Variants in RBBP4 observed in about 807,000 individuals in gnomAD.
RBBP4 encodes the protein histone-binding protein RBBP4.
RBBP4 carries 3 observed loss-of-function variants against 57.2 expected under a neutral mutation model. The observed-to-expected ratio is 0.05, with a 90% CI of 0.02 to 0.14. The LOEUF (loss-of-function observed/expected upper bound fraction) is 0.14. Among genes scored for constraint, RBBP4 ranks in the 10% least tolerant of loss-of-function variants. RBBP4 has a pLI of 1.00. For missense variants in RBBP4, 107 were observed against 520.6 expected, an observed-to-expected ratio of 0.21 and a Z score of 7.73; for synonymous variants, 151 against 171.5, an observed-to-expected ratio of 0.88 and a Z score of 0.93.
rs1649326888 is a variant in RBBP4 at position 32,680,066 on chromosome 1, G to GTA, written c.*362_*363dup. The GTA allele has an allele frequency of 9.3e-7, 1 of 1,073,944 alleles. No individual in the cohort carries two copies. Among genetic ancestry groups the GTA allele is most frequent in the Non-Finnish European group, 1.1e-6 (1 of 888,586 alleles). The allele number at this position is 1,073,944 out of a possible 1,614,324, so 66.5% of individuals were successfully genotyped here. ...TGAGTAAGGAATAGAGCCAAATGAG[G>GTA]TAGGTGTCTGAGCCATGAAGTATAA... On this transcript the variant is annotated 3_prime_UTR_variant, in exon 12 of 12. Transcript: ENST00000373493.
intron 11 of RBBP4, among the ~76,000 whole-genome samples, chr1:32,673,976 C>T (rs1457462354): frequency 6.6e-6 from 1 of 152,026 alleles, no homozygotes; most frequent in Non-Finnish European, 1.5e-5. Context: ...TGGCGGGCGC[C>T]TGTAGTCCCA....
intron 2 of RBBP4, among the ~76,000 whole-genome samples, chr1:32,654,512 A>T (rs535852785): frequency 5.8e-4 from 89 of 152,362 alleles, no homozygotes; most frequent in Non-Finnish European, 1.1e-3. Context: ...CATACCTACT[A>T]AACATTCTAG....
chr1:32,656,918 A>G (rs563546325), intron 2 of RBBP4, among the ~76,000 whole-genome samples: 5 of 152,252 alleles, frequency 3.3e-5, no homozygotes, highest in African/African-American at 1.2e-4. Context: ...GTAGTGAGTG[A>G]GTAGTTAATT....
intron 11 of RBBP4, among the ~76,000 whole-genome samples, chr1:32,679,213 C>T (rs961255827): frequency 1.3e-5 from 2 of 152,108 alleles, no homozygotes; most frequent in African/African-American, 4.8e-5. Flanking sequence ...AGGAGAATTG[C>T]TTGAACCTGG....
rs1648766537 is a variant in RBBP4, at chr1:32,669,129, T to C, written c.758T>C (p.Met253Thr). The C allele has an allele frequency of 1.2e-6, 2 of 1,614,138 alleles. No individual in the cohort carries two copies. ...TCAGTTGCTGATGATCAGAAACTTA[T>C]GATGTGAGTAGAATCCATTCAGAGT... Reference protein sequence around the residue: ...FGSVADDQKLMIWDTRSNNTS... With the variant: ...FGSVADDQKLTIWDTRSNNTS... The change falls in exon 6 of 12, where the codon ATG becomes ACG. Residue 253 changes from methionine to threonine, a missense_variant. Transcript: ENST00000373493. This position sits in a 1 kb window ranked among gnomAD's most constrained non-coding sequence, Gnocchi z 4.9.
intron 2 of RBBP4, among the ~76,000 whole-genome samples, chr1:32,653,494 C>T (rs978908382): frequency 6.6e-6 from 1 of 151,932 alleles, no homozygotes; most frequent in East Asian, 1.9e-4. Context: ...AGAAATTATA[C>T]TAGTAACTTA....
At position 32,651,930 on chromosome 1, in the gene RBBP4, A is replaced by G; in HGVS notation, c.33A>G (p.Ala11=). 2 of 1,613,888 alleles carry G rather than the reference A, an allele frequency of 1.2e-6. No individual in the cohort carries two copies. Among genetic ancestry groups the G allele is most frequent in the Non-Finnish European group, 1.7e-6 (2 of 1,179,828 alleles). Residue 11 remains alanine, a synonymous_variant, in exon 2 of 12, where the codon GCA becomes GCG. Coordinates refer to ENST00000373493, the MANE Select transcript of RBBP4 (RefSeq NM_005610.3). ...AAATTTTAGCAGCCTTCGACGACGCAGTGGAAGAACGAGTGATCAACGAGG... is the reference window on the plus strand; with the variant it reads ...AAATTTTAGCAGCCTTCGACGACGCGGTGGAAGAACGAGTGATCAACGAGG... MADKEAAFDD[A]VEERVINEEY...
rs113016835 is a variant in RBBP4, at chr1:32,681,557, T to G, written c.*1852T>G. On this transcript the variant is annotated 3_prime_UTR_variant, in exon 12 of 12. Coordinates refer to ENST00000373493, the MANE Select transcript of RBBP4 (RefSeq NM_005610.3). ...ATTCATCCTTCACTCAGTGCATATGTGAGGGTTGTTGCTGGAAGACAGGAG... is the reference window on the plus strand; with the variant it reads ...ATTCATCCTTCACTCAGTGCATATGGGAGGGTTGTTGCTGGAAGACAGGAG... 7.4e-6 allele frequency: 4 copies of G among 540,678 alleles called. No individual in the cohort carries two copies. Among genetic ancestry groups the G allele is most frequent in the African/African-American group, 5.7e-5 (3 of 52,476 alleles). The allele number at this position is 540,678 out of a possible 1,614,324, so 33.5% of individuals were successfully genotyped here. A position where few individuals can be genotyped will look rare whatever the true frequency, so the allele number is the denominator to read the frequency against.
Position 32,680,445 on chromosome 1 carries a change from A to G in RBBP4, c.*740A>G, listed in dbSNP as rs1264947076. The G allele has an allele frequency of 2.3e-5, 34 of 1,505,424 alleles. No individual in the cohort carries two copies. The highest frequency in any genetic ancestry group is 2.8e-5 in the Non-Finnish European group (31 of 1,126,212). The allele number at this position is 1,505,424 out of a possible 1,614,324, so 93.3% of individuals were successfully genotyped here. On this transcript the variant is annotated 3_prime_UTR_variant, in exon 12 of 12. Coordinates refer to ENST00000373493, the MANE Select transcript of RBBP4 (RefSeq NM_005610.3). ...CAGTTATACCACAGGTAGACTGTCA[A>G]GTTGAGAAGAGTGAATCAATAACTT...
intron 3 of RBBP4, among the ~76,000 whole-genome samples, chr1:32,659,247 C>T (rs1179563337): frequency 6.6e-6 from 1 of 151,236 alleles, no homozygotes; most frequent in Non-Finnish European, 1.5e-5. Context: ...GTAAAAAACG[C>T]ACCCCTTCTC....
intron 3 of RBBP4, among the ~76,000 whole-genome samples, chr1:32,658,649 C>T (rs907175380): frequency 1.3e-5 from 2 of 150,998 alleles, no homozygotes; most frequent in Non-Finnish European, 2.9e-5. Context: ...CAGGTTCAAG[C>T]GATTCTCCTG....
chr1:32,667,093 A>G (rs1424710282), intron 3 of RBBP4, among the ~76,000 whole-genome samples: 1 of 152,016 alleles, frequency 6.6e-6, no homozygotes, highest in Non-Finnish European at 1.5e-5. Flanking sequence ...GTCAGGGAAC[A>G]CTCTGCTCCA....
In RBBP4 at chr1:32,680,166, G is replaced by C. The variant is rs1557863239; in HGVS notation, c.*461G>C. 9.5e-7 allele frequency: 1 copy of C among 1,057,462 alleles called. No individual in the cohort carries two copies. Among genetic ancestry groups the C allele is most frequent in the Non-Finnish European group, 1.1e-6 (1 of 895,356 alleles). 65.5% of individuals were successfully genotyped at this position (1,057,462 alleles called of 1,614,324 possible). A position where few individuals can be genotyped will look rare whatever the true frequency, so the allele number is the denominator to read the frequency against. On this transcript the variant is annotated 3_prime_UTR_variant, in exon 12 of 12. Transcript: ENST00000373493. ...ATATAGATTCCTACTCGAAAATCTT[G>C]ACACCTGACTTTCCAGGATGCACAT...
intron 8 of RBBP4, among the ~76,000 whole-genome samples, chr1:32,670,697 C>G (rs1648837547): frequency 6.6e-6 from 1 of 152,142 alleles, no homozygotes; most frequent in South Asian, 2.1e-4. Flanking sequence ...CTCAGCCTCC[C>G]AAAGTGCTGG....
chr1:32,661,377 C>T (rs1250295986), intron 3 of RBBP4, among the ~76,000 whole-genome samples: 1 of 148,838 alleles, frequency 6.7e-6, no homozygotes, highest in Non-Finnish European at 1.5e-5. Flanking sequence ...TCACTGCACT[C>T]TCCGCCTCCC....
At chr1:32,664,770 T>C (rs1224665816) in intron 3 of RBBP4, among the ~76,000 whole-genome samples, 1 of 152,064 alleles carries the variant, frequency 6.6e-6, no homozygotes, top group African/African-American at 2.4e-5. Context: ...GGGGTGGTGG[T>C]CATTGGCCTT....
rs1427552250 is a variant in RBBP4, at chr1:32,684,326, G to T, written c.*4621G>T. On this transcript the variant is annotated 3_prime_UTR_variant, in exon 12 of 12. Coordinates refer to ENST00000373493, the MANE Select transcript of RBBP4 (RefSeq NM_005610.3). ...CCATCTCTTTGTTCTTCTGTTGCTG[G>T]AGTTGCACCCCATTTCTTAACTGCC... The T allele has an allele frequency of 6.2e-7, 1 of 1,614,002 alleles. No homozygotes were observed. Among genetic ancestry groups the T allele is most frequent in the East Asian group, 2.2e-5 (1 of 44,900 alleles).
Position 32,657,559 on chromosome 1 carries a change from C to T in RBBP4, c.297C>T (p.Asp99=). Residue 99 remains aspartate, a synonymous_variant, in exon 3 of 12, where the codon GAC becomes GAT. Coordinates refer to ENST00000373493, the MANE Select transcript of RBBP4 (RefSeq NM_005610.3). ...DDAQFDASHY[D]SEKGEFGGFG... is the part of the protein sequence containing the mutation. The stretch of plus-strand genomic sequence containing the variant: ...CTCAGTTTGATGCGTCACACTACGA[C>T]AGTGAGAAAGGAGGTAGGAATCTTA... 6.2e-7 allele frequency: 1 copy of T among 1,613,698 alleles called. No homozygotes were observed.
chr1:32,681,660 G>A lies in RBBP4; in HGVS notation c.*1955G>A, dbSNP rs1358225923. ...ATAGAATCCAGCAAAGAGTTGACAT[G>A]TTCTGCCTCCGGCCAACTCTAGAAT... On this transcript the variant is annotated 3_prime_UTR_variant, in exon 12 of 12. Coordinates refer to ENST00000373493, the MANE Select transcript of RBBP4 (RefSeq NM_005610.3). 5.2e-6 allele frequency: 4 copies of A among 766,456 alleles called. No individual in the cohort carries two copies. The highest frequency in any genetic ancestry group is 1.7e-5 in the South Asian group (1 of 57,956). The allele number at this position is 766,456 out of a possible 1,614,324, so 47.5% of individuals were successfully genotyped here. A position where few individuals can be genotyped will look rare whatever the true frequency, so the allele number is the denominator to read the frequency against.
Sources: gnomAD v4.1 joint callset for allele counts (sites outside exome capture counted in the v4.1 genomes callset) on GRCh38, gnomAD v4.1.1 for gene constraint, Gnocchi (gnomAD v3.1) non-coding constraint, MANE v1.5 for transcripts, NCBI Gene and HGNC (gene_info 2026-07-23, HGNC 2026-07-21) for gene names.